The following ARID1B variants were observed in gnomAD, a reference collection of about 807,000 sequenced individuals.
ARID1B encodes the protein AT-rich interactive domain-containing protein 1B.
ARID1B carries 30 observed loss-of-function variants against 212.3 expected under a neutral mutation model. That is an observed-to-expected ratio of 0.14 (90% CI 0.11 to 0.19). The LOEUF (loss-of-function observed/expected upper bound fraction) is 0.19, where lower values mean the gene tolerates loss of function less well. ARID1B is among the 10% of genes least tolerant of loss of function. ARID1B has a pLI of 1.00. For missense variants in ARID1B, 2,891 were observed against 3,204.0 expected (o/e 0.90, Z 2.36); for synonymous variants, 1,402 against 1,301.7 (o/e 1.08, Z -1.66).
At chr6:157,087,919 G>T (rs984995467) in intron 5 of ARID1B, among the ~76,000 whole-genome samples, 23 of 152,246 alleles carry the variant, frequency 1.5e-4, no homozygotes, top group African/African-American at 5.1e-4. Flanking sequence ...TTCTACTGTT[G>T]TCTCTACACA....
intron 2 of ARID1B, among the ~76,000 whole-genome samples, chr6:156,896,525 G>A (rs1159476849): frequency 7.4e-6 from 1 of 134,882 alleles, no homozygotes; most frequent in East Asian, 2.1e-4. Flanking sequence ...ACAGTGAGCC[G>A]AGACCACACC....
intron 3 of ARID1B, among the ~76,000 whole-genome samples, chr6:156,925,730 G>A (rs77245897): frequency 6.6e-6 from 1 of 152,090 alleles, no homozygotes; most frequent in Admixed American, 6.5e-5. Flanking sequence ...TAAACTAAAA[G>A]ATTTTTGGAG....
At chr6:157,136,129 A>G (rs1346026370) in intron 7 of ARID1B, among the ~76,000 whole-genome samples, 2 of 152,200 alleles carry the variant, frequency 1.3e-5, no homozygotes, top group Non-Finnish European at 2.9e-5. Flanking sequence ...TAATCGTCAC[A>G]GAAGTTGCTG....
At chr6:156,997,614 G>A (rs6557516) in intron 4 of ARID1B, among the ~76,000 whole-genome samples, 120,428 of 151,736 alleles carry the variant, frequency 0.79, 48,644 homozygotes, top group African/African-American at 0.95. Context: ...CAAAGTTCAG[G>A]TGGGAAGTAG....
chr6:156,952,503 G>T (rs1185902768), intron 4 of ARID1B, among the ~76,000 whole-genome samples: 2 of 152,204 alleles, frequency 1.3e-5, no homozygotes, highest in Admixed American at 6.5e-5. Flanking sequence ...TTCCCATCCT[G>T]CCCCCCATGG....
At chr6:157,180,863 ATCTCT>A (rs1418681092) in intron 11 of ARID1B, 101 bp from the exon 12 acceptor site, 5 of 898,680 alleles carry the variant, frequency 5.6e-6, no homozygotes. Context: ...GTAGTTTTTA[ATCTCT>A]TCTCTTCTTG....
chr6:156,967,258 TAC>T (rs752806943), intron 4 of ARID1B, among the ~76,000 whole-genome samples: 1 of 152,200 alleles, frequency 6.6e-6, no homozygotes, highest in African/African-American at 2.4e-5. Flanking sequence ...GTTAGTTTCA[TAC>T]ACACACATAC....
chr6:157,193,660 T>C (rs1793535665), intron 15 of ARID1B: 2 of 152,218 alleles, frequency 1.3e-5, no homozygotes, highest in Admixed American at 1.3e-4. Flanking sequence ...ATGGGGCCTT[T>C]CCATGTAGTT....
At chr6:157,152,461 A>G (rs1485226980) in intron 8 of ARID1B, 1 of 152,230 alleles carries the variant, frequency 6.6e-6, no homozygotes, top group East Asian at 1.9e-4. Flanking sequence ...CACACTTGGC[A>G]AGGGCTCATA....
chr6:157,186,672 G>A (rs949061817), intron 13 of ARID1B: 9 of 373,864 alleles, frequency 2.4e-5, no homozygotes, highest in East Asian at 7.7e-5. Context: ...ACAAATTTAC[G>A]GTAAAAATGT....
Position 156,779,401 on chromosome 6 carries a change from C to G in ARID1B, c.1721C>G (p.Ala574Gly). The change falls in exon 1 of 20, where the codon GCG becomes GGG. Residue 574 changes from alanine to glycine, a missense_variant. Physicochemically the swap from Ala to Gly is moderately conservative, Grantham distance 60 (BLOSUM62 0). Around this residue, in one of 7 missense-constraint regions of ARID1B, gnomAD observed 1,643 missense variants for 1,544.0 expected, o/e 1.06. Coordinates refer to ENST00000636930, the MANE Select transcript of ARID1B (RefSeq NM_001374828.1). ...TACGCCGCTGCCAGCCCGGCCTGGG[C>G]GGCCGCGCAACAAAGGAGTCACCCG... ...AQYAAASPAW[A>G]AAQQRSHPAM... The G allele has an allele frequency of 7.0e-7, 1 of 1,438,592 alleles. No homozygotes were observed. Among genetic ancestry groups the G allele is most frequent in the Admixed American group, 2.2e-5 (1 of 44,848 alleles). 89.1% of individuals were successfully genotyped at this position (1,438,592 alleles called of 1,614,324 possible). A position where few individuals can be genotyped will look rare whatever the true frequency, so the allele number is the denominator to read the frequency against.
At chr6:157,025,588 T>TCTTTTA (rs59645148) in intron 4 of ARID1B, among the ~76,000 whole-genome samples, 59,718 of 151,642 alleles carry the variant, frequency 0.39, 12,496 homozygotes, top group African/African-American at 0.55. Flanking sequence ...GAGTCAGGCT[T>TCTTTTA]CTTAGCACAG....
At chr6:156,799,116 T>C (rs1022059720) in intron 1 of ARID1B, among the ~76,000 whole-genome samples, 4 of 152,200 alleles carry the variant, frequency 2.6e-5, no homozygotes, top group Admixed American at 1.3e-4. Flanking sequence ...CCTCATGATA[T>C]GTGGAACCTC....
At chr6:156,930,965 C>T (rs909272191) in intron 3 of ARID1B, among the ~76,000 whole-genome samples, 1 of 152,016 alleles carries the variant, frequency 6.6e-6, no homozygotes, top group Non-Finnish European at 1.5e-5. Context: ...CCAAGGCGGG[C>T]AGTTCACAAG....
chr6:156,993,408 C>G (rs1052762041), intron 4 of ARID1B, among the ~76,000 whole-genome samples: 1 of 152,178 alleles, frequency 6.6e-6, no homozygotes, highest in African/African-American at 2.4e-5. Flanking sequence ...TTTTTGGCCT[C>G]AAGTTTTTAG....
intron 2 of ARID1B, among the ~76,000 whole-genome samples, chr6:156,875,831 C>G (rs1317923293): frequency 1.3e-5 from 2 of 152,204 alleles, no homozygotes; most frequent in Admixed American, 1.3e-4. Flanking sequence ...TACAAGAGGG[C>G]TACGTTTTGG....
At chr6:157,018,866 C>T (rs1780062209) in intron 4 of ARID1B, among the ~76,000 whole-genome samples, 2 of 146,790 alleles carry the variant, frequency 1.4e-5, no homozygotes, top group Admixed American at 1.4e-4. Context: ...TGCAGTAGTA[C>T]ATAAAGTGCA....
intron 2 of ARID1B, among the ~76,000 whole-genome samples, chr6:156,884,143 A>G (rs755691786): frequency 6.6e-6 from 1 of 152,242 alleles, no homozygotes; most frequent in Non-Finnish European, 1.5e-5. Context: ...AAATAGTAGA[A>G]GATACAAATG....
intron 17 of ARID1B, among the ~76,000 whole-genome samples, chr6:157,199,684 T>C (rs889604000): frequency 1.3e-5 from 2 of 151,954 alleles, no homozygotes; most frequent in Non-Finnish European, 2.9e-5. Context: ...CTTTTTTTCT[T>C]TTTTTGAGAT....
Sources: gnomAD v4.1 joint callset for allele counts (sites outside exome capture counted in the v4.1 genomes callset) on GRCh38, gnomAD v4.1.1 for gene constraint, gnomAD v4.1.1 regional missense constraint, MANE v1.5 for transcripts, NCBI Gene and HGNC (gene_info 2026-07-23, HGNC 2026-07-21) for gene names.